STYK1: variants seen among roughly 807,000 people sequenced by gnomAD.
STYK1 encodes the protein STY kinase 1, also known as tyrosine-protein kinase STYK1.
STYK1 carries 46 observed loss-of-function variants against 48.1 expected under a neutral mutation model. The observed-to-expected ratio is 0.96, with a 90% CI of 0.75 to 1.22. The LOEUF (loss-of-function observed/expected upper bound fraction) is 1.22, where lower values mean the gene tolerates loss of function less well. Among genes scored for constraint, STYK1 ranks in the 50% most tolerant of loss-of-function variants. The probability of loss-of-function intolerance (pLI) is 0.00; values close to 1 mark genes in which losing one functional copy is unlikely to be tolerated. For missense variants in STYK1, 527 were observed against 521.1 expected (o/e 1.01, Z -0.11); for synonymous variants, 188 against 189.0 (o/e 0.99, Z 0.04).
intron 1 of STYK1, among the ~76,000 whole-genome samples, chr12:10,669,311 GT>G: frequency 6.6e-6 from 1 of 152,272 alleles, no homozygotes; most frequent in Admixed American, 6.5e-5. Context: ...TGGTACCCAG[GT>G]TTCTGTTCGA....
At chr12:10,634,440 C>T in intron 3 of STYK1, 127 bp downstream of exon 3, 1 of 1,050,480 alleles carries the variant, frequency 9.5e-7, no homozygotes, top group Non-Finnish European at 1.4e-6. Flanking sequence ...CTCTAGTCCC[C>T]ATCCTTTTAT....
chr12:10,626,892 A>G (rs1265171709), intron 7 of STYK1, among the ~76,000 whole-genome samples: 1 of 152,160 alleles, frequency 6.6e-6, no homozygotes, highest in Non-Finnish European at 1.5e-5. Flanking sequence ...CTGTGGTCCC[A>G]GCTACTCGGG....
chr12:10,643,854 C>G (rs578037933), intron 1 of STYK1, among the ~76,000 whole-genome samples: 2 of 152,206 alleles, frequency 1.3e-5, no homozygotes, highest in East Asian at 3.9e-4. Flanking sequence ...TGGCACTGTG[C>G]AGGTAGGCGA....
At chr12:10,631,364 G>A (rs971281163) in intron 4 of STYK1, 56 bp from the exon 5 acceptor site, 12 of 1,587,752 alleles carry the variant, frequency 7.6e-6, no homozygotes, top group Non-Finnish European at 6.9e-6. Context: ...ATCCCGGAAA[G>A]CAGACCCTGA....
intron 8 of STYK1, 92 bp from the exon 9 acceptor site, chr12:10,622,770 C>A: frequency 6.8e-7 from 1 of 1,460,198 alleles, no homozygotes; most frequent in Non-Finnish European, 9.4e-7. Context: ...ATAAGAGCCC[C>A]ATGAAAAAGG....
chr12:10,631,745 T>G (rs535521078), intron 4 of STYK1, among the ~76,000 whole-genome samples: 1 of 152,280 alleles, frequency 6.6e-6, no homozygotes, highest in Middle Eastern at 3.4e-3. Flanking sequence ...TTAATCAGCT[T>G]TAAGCTATGG....
At chr12:10,641,827 T>C (rs1484684522) in intron 1 of STYK1, among the ~76,000 whole-genome samples, 1 of 152,120 alleles carries the variant, frequency 6.6e-6, no homozygotes, top group Non-Finnish European at 1.5e-5. Flanking sequence ...CAGTTTCCCC[T>C]CCCTAGGGAG....
chr12:10,663,647 G>A (rs968730297), intron 1 of STYK1, among the ~76,000 whole-genome samples: 2 of 131,408 alleles, frequency 1.5e-5, no homozygotes, highest in African/African-American at 2.8e-5. Flanking sequence ...ATCATTAAGT[G>A]TGATTCCTCC....
intron 10 of STYK1, among the ~76,000 whole-genome samples, chr12:10,621,663 T>C (rs1865907960): frequency 6.6e-6 from 1 of 152,062 alleles, no homozygotes; most frequent in African/African-American, 2.4e-5. Flanking sequence ...TGTGTGAGTA[T>C]GTGTGAGTGT....
In STYK1 at chr12:10,672,218, TG is replaced by T. The variant is rs1947897590; in HGVS notation, c.-195+1747del. Among the ~76,000 whole-genome samples, 1 of 152,180 alleles carries T rather than the reference TG, an allele frequency of 6.6e-6. No homozygotes were observed. The highest frequency in any genetic ancestry group is 2.1e-4 in the South Asian group (1 of 4,828). ...CTGAACTGTGAGAAAATCATTTCGT[TG>T]TTTAAGCCAGAGGTCACCAACACCC... On this transcript the variant is annotated intron_variant, in intron 1 of 10. Transcript: ENST00000075503. The surrounding 1 kb of genome is among the most constrained non-coding windows in gnomAD (Gnocchi z 4.0).
Position 10,620,264 on chromosome 12 carries a change from G to A in STYK1, c.1149C>T (p.Ala383=), listed in dbSNP as rs781678402. ...PRELRLRLEA[A]IKTADDEAVL... is the part of the protein sequence containing the mutation. ...CAGCCTCGTCATCTGCAGTTTTAAT[G>A]GCAGCTTCTAGGCGCAAGCGCAGCT... The change falls in exon 11 of 11, where the codon GCC becomes GCT. Residue 383 remains alanine (A), a synonymous_variant. Coordinates refer to ENST00000075503, the MANE Select transcript of STYK1 (RefSeq NM_018423.3). 3.1e-6 allele frequency: 5 copies of A among 1,614,110 alleles called. No homozygotes were observed. In the Admixed American group the frequency reaches 8.3e-5, roughly 27 times the overall value.
At chr12:10,624,510 T>C in intron 8 of STYK1, 141 bp downstream of exon 8, 1 of 763,242 alleles carries the variant, frequency 1.3e-6, no homozygotes, top group Non-Finnish European at 2.2e-6. Flanking sequence ...CTCTGTCACA[T>C]AACATTTCTG....
chr12:10,624,796 T>G lies in STYK1; in HGVS notation c.781A>C (p.Ser261Arg). ...DVAARNILMQ[S>R]DLTAKLCGLG... is the part of the protein sequence containing the mutation. ...CCACAGAGCTTAGCAGTGAGATCAC[T>G]TTGCATCAGAATATTCCTGGCTGCC... The change falls in exon 8 of 11, where the codon AGT (serine) becomes CGT (arginine). Residue 261 changes from serine to arginine, a missense_variant. Coordinates refer to ENST00000075503, the MANE Select transcript of STYK1 (RefSeq NM_018423.3). The G allele has an allele frequency of 6.2e-7, 1 of 1,614,136 alleles. No homozygotes were observed. Among genetic ancestry groups the G allele is most frequent in the Non-Finnish European group, 8.5e-7 (1 of 1,180,026 alleles).
intron 1 of STYK1, among the ~76,000 whole-genome samples, chr12:10,637,616 C>T (rs892992018): frequency 6.6e-6 from 1 of 152,136 alleles, no homozygotes; most frequent in African/African-American, 2.4e-5. Context: ...GCTGGGATTA[C>T]AGGCATGAGC....
chr12:10,652,418 A>G (rs1947671986), intron 1 of STYK1, among the ~76,000 whole-genome samples: 1 of 152,258 alleles, frequency 6.6e-6, no homozygotes, highest in Non-Finnish European at 1.5e-5. Flanking sequence ...TTTTGACAGC[A>G]CAAATGAGAT....
chr12:10,668,451 C>A (rs1555155515), intron 1 of STYK1, among the ~76,000 whole-genome samples: 1 of 150,660 alleles, frequency 6.6e-6, no homozygotes, highest in Non-Finnish European at 1.5e-5. Context: ...TCTTGGCTCA[C>A]TGCAACCTCC....
At chr12:10,647,225 T>A (rs919977131) in intron 1 of STYK1, among the ~76,000 whole-genome samples, 1 of 152,148 alleles carries the variant, frequency 6.6e-6, no homozygotes, top group Non-Finnish European at 1.5e-5. Flanking sequence ...CACCAGCCCA[T>A]GAAAGCAGCC....
At chr12:10,667,899 G>A (rs1947849320) in intron 1 of STYK1, among the ~76,000 whole-genome samples, 2 of 152,114 alleles carry the variant, frequency 1.3e-5, no homozygotes, top group African/African-American at 4.8e-5. Context: ...TCAGCAGAAG[G>A]TATAGGGAAG....
intron 1 of STYK1, among the ~76,000 whole-genome samples, chr12:10,650,319 T>C (rs1947649210): frequency 6.6e-6 from 1 of 152,110 alleles, no homozygotes; most frequent in Admixed American, 6.6e-5. Context: ...GGATTTATCT[T>C]AATCTATTGA....
Sources: allele counts gnomAD v4.1 joint callset (sites outside exome capture counted in the v4.1 genomes callset), GRCh38; gene constraint gnomAD v4.1.1; non-coding constraint Gnocchi (gnomAD v3.1); transcripts MANE v1.5; gene names NCBI Gene and HGNC (gene_info 2026-07-23, HGNC 2026-07-21).